Variants in SYNE2 observed in about 807,000 individuals in gnomAD.
SYNE2 encodes the protein nesprin-2.
SYNE2 carries 431 observed loss-of-function variants against 856.3 expected under a neutral mutation model. The ratio of observed to expected loss-of-function variants is 0.50; its 90% CI spans 0.47 to 0.55. The LOEUF (loss-of-function observed/expected upper bound fraction) is 0.55. Ranked by LOEUF, SYNE2 falls within the 20% of genes least tolerant of loss-of-function variation. The pLI is 0.00. For synonymous variants in SYNE2, 2,923 were observed against 2,872.3 expected, an observed-to-expected ratio of 1.02 and a Z score of -0.56; for missense variants, 8,129 against 8,023.2, an observed-to-expected ratio of 1.01 and a Z score of -0.50.
intron 10 of SYNE2, among the ~76,000 whole-genome samples, chr14:63,965,343 T>C (rs199845963): frequency 6.6e-6 from 1 of 152,204 alleles, no homozygotes; most frequent in East Asian, 1.9e-4. Context: ...CTTGGTATTA[T>C]CCCAGTTTTA....
chr14:64,191,548 T>A (rs1450810110), intron 99 of SYNE2, among the ~76,000 whole-genome samples: 1 of 152,118 alleles, frequency 6.6e-6, no homozygotes. Context: ...CAGGAAGTGA[T>A]GAGAAGCCCC....
intron 88 of SYNE2, chr14:64,162,536 C>G: frequency 3.9e-6 from 2 of 506,694 alleles, no homozygotes. Context: ...AGTGTTACAT[C>G]TCTAAGGCAA....
rs758206146 is a variant in SYNE2 at position 64,188,523 on chromosome 14, A to G, written c.17713-27A>G. 7 of 1,614,162 alleles carry G rather than the reference A, an allele frequency of 4.3e-6. No individual in the cohort carries two copies. The Admixed American group carries it at 8.3e-5, about 19-fold the overall frequency. ...GGTGCTTTCCTTCCTGGCTATACTCAGCTGCCAAATGTATTTTCATTTGCA... is the reference window on the plus strand; with the variant it reads ...GGTGCTTTCCTTCCTGGCTATACTCGGCTGCCAAATGTATTTTCATTTGCA... On this transcript the variant is annotated intron_variant, in intron 97 of 115. Transcript: ENST00000555002.
intron 1 of SYNE2, among the ~76,000 whole-genome samples, chr14:63,799,531 A>AAAAAC (rs1014363774): frequency 2.6e-5 from 4 of 151,982 alleles, no homozygotes; most frequent in African/African-American, 4.8e-5. Flanking sequence ...TCTCTACTAA[A>AAAAAC]AAAACAAAAC....
intron 2 of SYNE2, among the ~76,000 whole-genome samples, chr14:63,913,837 T>TTTTTTAAATTTAATTTTAAA (rs2095503432): frequency 6.9e-6 from 1 of 145,722 alleles, no homozygotes; most frequent in African/African-American, 2.5e-5. Flanking sequence ...CTGTTTAAAA[T>TTTTTTAAATTTAATTTTAAA]TTTTTAAATT....
chr14:63,941,763 G>A lies in SYNE2; in HGVS notation c.210G>A (p.Leu70=). The A allele has an allele frequency of 6.2e-7, 1 of 1,614,024 alleles. No homozygotes were observed. Among genetic ancestry groups the A allele is most frequent in the East Asian group, 2.2e-5 (1 of 44,852 alleles). The change falls in exon 4 of 116, where the codon CTG becomes CTA. Residue 70 remains leucine, a synonymous_variant. Transcript: ENST00000555002. ...DIKKGHVLLD[L]LEVLSGQQLP... ...AAAAGGGGCATGTCCTCCTGGATCT[G>A]CTAGAAGTACTTTCTGGGCAACAGT...
intron 9 of SYNE2, among the ~76,000 whole-genome samples, chr14:63,962,165 C>T (rs947271266): frequency 2.0e-5 from 3 of 152,080 alleles, no homozygotes; most frequent in Admixed American, 6.5e-5. Flanking sequence ...AAGTGATTCT[C>T]GTGCCTCAGC....
chr14:64,077,885 G>A (rs1595364863), intron 54 of SYNE2, among the ~76,000 whole-genome samples: 1 of 152,156 alleles, frequency 6.6e-6, no homozygotes, highest in East Asian at 1.9e-4. Flanking sequence ...AGTTTCTGAT[G>A]GCTGGGAAAA....
intron 49 of SYNE2, among the ~76,000 whole-genome samples, chr14:64,057,817 C>T (rs2097285475): frequency 6.6e-6 from 1 of 152,180 alleles, no homozygotes; most frequent in South Asian, 2.1e-4. Flanking sequence ...GCCATTTTAA[C>T]TGGATGAGAT....
chr14:64,015,024 TATAA>T (rs1279036536), intron 32 of SYNE2, among the ~76,000 whole-genome samples: 2 of 144,306 alleles, frequency 1.4e-5, no homozygotes, highest in Non-Finnish European at 3.0e-5. Context: ...TATATATGTA[TATAA>T]ATATATATGT....
chr14:64,067,598 C>T (rs2097367342), intron 51 of SYNE2, among the ~76,000 whole-genome samples: 1 of 152,114 alleles, frequency 6.6e-6, no homozygotes, highest in Non-Finnish European at 1.5e-5. Context: ...AACCTGTCAT[C>T]TATAGTAACA....
At chr14:63,796,633 CAAAT>C (rs1359955221) in intron 1 of SYNE2, among the ~76,000 whole-genome samples, 1 of 151,690 alleles carries the variant, frequency 6.6e-6, no homozygotes. Context: ...CTTCTAGACA[CAAAT>C]AAGGAAGAGT....
intron 90 of SYNE2, among the ~76,000 whole-genome samples, chr14:64,166,185 AT>A (rs983705836): frequency 6.6e-6 from 1 of 151,708 alleles, no homozygotes; most frequent in African/African-American, 2.4e-5. Flanking sequence ...TCCATCACTG[AT>A]TTTTTTTTAA....
intron 2 of SYNE2, among the ~76,000 whole-genome samples, chr14:63,939,500 A>G (rs1446034796): frequency 6.6e-6 from 1 of 152,098 alleles, no homozygotes; most frequent in Non-Finnish European, 1.5e-5. Flanking sequence ...GGCGTGTGCC[A>G]CCACGCCTGG....
At chr14:63,880,798 A>C (rs2094842773) in intron 1 of SYNE2, among the ~76,000 whole-genome samples, 1 of 151,286 alleles carries the variant, frequency 6.6e-6, no homozygotes. Flanking sequence ...TAAGCTTCCC[A>C]AGTAGTTGGG....
At chr14:64,061,632 G>T (rs2097317757) in intron 49 of SYNE2, among the ~76,000 whole-genome samples, 1 of 151,910 alleles carries the variant, frequency 6.6e-6, no homozygotes. Flanking sequence ...CTCTTTTTTT[G>T]AATGCTTATT....
chr14:63,985,254 C>T (rs778183276), intron 18 of SYNE2, among the ~76,000 whole-genome samples: 2 of 143,720 alleles, frequency 1.4e-5, no homozygotes, highest in South Asian at 4.4e-4. Flanking sequence ...TGCTTGAACC[C>T]GGGAGGCGGA....
At chr14:63,976,316 G>T (rs1014197851) in intron 11 of SYNE2, among the ~76,000 whole-genome samples, 4 of 152,194 alleles carry the variant, frequency 2.6e-5, no homozygotes, top group Non-Finnish European at 4.4e-5. Context: ...TTATCAAAAC[G>T]TTTGTTTTTT....
Position 63,986,483 on chromosome 14 carries a change from G to A in SYNE2, c.2179G>A (p.Glu727Lys). The A allele has an allele frequency of 6.2e-7, 1 of 1,614,084 alleles. No individual in the cohort carries two copies. The highest frequency in any genetic ancestry group is 1.1e-5 in the South Asian group (1 of 91,076). ...KAGEKHEKENEEFTGQLKVAK... is the reference protein window; with the variant it reads ...KAGEKHEKENKEFTGQLKVAK... ...TGGAGAGAAACATGAAAAAGAAAAT[G>A]AAGAATTCACAGGGCAACTAAAAGT... The change falls in exon 19 of 116, where the codon GAA (glutamate) becomes AAA (lysine). Residue 727 changes from glutamate to lysine, a missense_variant. By Grantham distance (56) the Glu-to-Lys change is moderately conservative (BLOSUM62 1). Around this residue, in one of 3 missense-constraint regions of SYNE2, gnomAD observed 2,422 missense variants for 2,357.4 expected, o/e 1.03. Transcript: ENST00000555002.
Sources: gnomAD v4.1 joint callset for allele counts (sites outside exome capture counted in the v4.1 genomes callset) on GRCh38, gnomAD v4.1.1 for gene constraint, gnomAD v4.1.1 regional missense constraint, MANE v1.5 for transcripts, NCBI Gene and HGNC (gene_info 2026-07-23, HGNC 2026-07-21) for gene names.